Variants in ACSL5 observed in about 807,000 individuals in gnomAD.
The protein encoded by ACSL5 is acyl-CoA synthetase long chain family member 5.
In ACSL5, 50 loss-of-function variants were observed where a neutral mutation model predicts 84.9. The ratio of observed to expected loss-of-function variants is 0.59; its 90% CI spans 0.47 to 0.75. The LOEUF (loss-of-function observed/expected upper bound fraction) is 0.75, where lower values mean the gene tolerates loss of function less well. Ranked by LOEUF, ACSL5 falls within the 30% of genes least tolerant of loss-of-function variation. ACSL5 has a pLI of 0.00. For missense variants in ACSL5, 775 were observed against 830.4 expected, an observed-to-expected ratio of 0.93 and a Z score of 0.82; for synonymous variants, 280 against 300.7, an observed-to-expected ratio of 0.93 and a Z score of 0.71.
Position 112,427,237 on chromosome 10 carries a change from A to G in ACSL5, c.1931A>G (p.His644Arg). 1.2e-6 allele frequency: 2 copies of G among 1,612,694 alleles called. No individual in the cohort carries two copies. Among genetic ancestry groups the G allele is most frequent in the Non-Finnish European group, 1.7e-6 (2 of 1,179,540 alleles). Reference sequence around the variant, plus strand: ...TTCCAGGTCAAAGCCATTTTTCTTCATCCAGAGCCATTTTCCATTGAAAAT... The same window carrying G: ...TTCCAGGTCAAAGCCATTTTTCTTCGTCCAGAGCCATTTTCCATTGAAAAT... ...TFEQVKAIFL[H>R]PEPFSIENGL... is the part of the protein sequence containing the mutation. Residue 644 changes from histidine to arginine, a missense_variant, in exon 21 of 21, where the codon CAT becomes CGT. Physicochemically the swap from His to Arg is conservative, Grantham distance 29. Coordinates refer to ENST00000354655, the MANE Select transcript of ACSL5 (RefSeq NM_203379.2).
At chr10:112,415,730 A>T (rs1199135294) in intron 12 of ACSL5, among the ~76,000 whole-genome samples, 1 of 152,246 alleles carries the variant, frequency 6.6e-6, no homozygotes, top group Non-Finnish European at 1.5e-5. Flanking sequence ...AGGCCCAAAA[A>T]TGGGGTTATA....
chr10:112,426,896 C>T, intron 20 of ACSL5, 37 bp downstream of exon 20: 1 of 1,515,968 alleles, frequency 6.6e-7, no homozygotes, highest in Non-Finnish European at 9.1e-7. Flanking sequence ...GGCCTCTTGT[C>T]AGAAAGTTTT....
intron 17 of ACSL5, among the ~76,000 whole-genome samples, chr10:112,424,035 AT>A (rs368804885): frequency 5.4e-4 from 82 of 152,334 alleles, no homozygotes; most frequent in African/African-American, 1.9e-3. Flanking sequence ...TTTGCCTCTT[AT>A]GAGTTTCTTG....
chr10:112,382,660 C>A (rs1365147382), intron 1 of ACSL5, among the ~76,000 whole-genome samples: 1 of 152,152 alleles, frequency 6.6e-6, no homozygotes, highest in Non-Finnish European at 1.5e-5. Flanking sequence ...GGAGCTGCAT[C>A]GAACGCCCTA....
At chr10:112,394,425 G>A (rs568694246) in intron 1 of ACSL5, among the ~76,000 whole-genome samples, 3 of 152,290 alleles carry the variant, frequency 2.0e-5, no homozygotes, top group African/African-American at 7.2e-5. Flanking sequence ...ATACAAAATG[G>A]TTAATTTCTA....
At position 112,421,593 on chromosome 10, in the gene ACSL5, G is replaced by T; in HGVS notation, c.1315G>T (p.Val439Leu). The change falls in exon 15 of 21, where the codon GTG becomes TTG. Residue 439 changes from valine to leucine, a missense_variant and splice_region_variant. By Grantham distance (32) the Val-to-Leu change is conservative. Transcript: ENST00000354655. The stretch of plus-strand genomic sequence containing the variant: ...TAAAAGCTCTTCTTTGGTTTCCCAG[G>T]TGTATGAAGCTTATGGTCAAACAGA... ...TFFRAAMGCQ[V>L]YEAYGQTECT... The T allele has an allele frequency of 1.2e-6, 2 of 1,613,942 alleles. No individual in the cohort carries two copies. Among genetic ancestry groups the T allele is most frequent in the Non-Finnish European group, 1.7e-6 (2 of 1,179,814 alleles).
intron 11 of ACSL5, 75 bp downstream of exon 11, chr10:112,412,054 G>A: frequency 1.4e-6 from 2 of 1,411,652 alleles, no homozygotes; most frequent in Non-Finnish European, 2.0e-6. Context: ...TCCAAAGGCA[G>A]CTACACAGTA....
Position 112,421,579 on chromosome 10 carries a change from C to A in ACSL5, c.1315-14C>A. ...ATCTTGAGTAAGTCTAAAAGCTCTT[C>A]TTTGGTTTCCCAGGTGTATGAAGCT... On this transcript the variant is annotated splice_polypyrimidine_tract_variant and intron_variant, in intron 14 of 20. Transcript: ENST00000354655. The A allele has an allele frequency of 6.2e-7, 1 of 1,613,278 alleles. No individual in the cohort carries two copies. The highest frequency in any genetic ancestry group is 2.2e-5 in the East Asian group (1 of 44,882).
intron 3 of ACSL5, among the ~76,000 whole-genome samples, chr10:112,403,866 T>C (rs1843965701): frequency 6.6e-6 from 1 of 152,116 alleles, no homozygotes; most frequent in African/African-American, 2.4e-5. Flanking sequence ...TGAAATAAAG[T>C]CAACTATAAT....
At chr10:112,389,116 A>G (rs1003118221) in intron 1 of ACSL5, among the ~76,000 whole-genome samples, 1 of 152,220 alleles carries the variant, frequency 6.6e-6, no homozygotes, top group African/African-American at 2.4e-5. Flanking sequence ...TCCAAAGAAA[A>G]GGAGACTAAA....
intron 1 of ACSL5, among the ~76,000 whole-genome samples, chr10:112,380,903 C>T (rs1201324547): frequency 6.6e-6 from 1 of 152,104 alleles, no homozygotes; most frequent in African/African-American, 2.4e-5. Context: ...ACCTCATTCT[C>T]CTGAGTACCT....
chr10:112,408,298 CAAA>C (rs369014571), intron 5 of ACSL5, 121 bp from the exon 6 acceptor site: 4,180 of 456,220 alleles, frequency 9.2e-3, no homozygotes, highest in South Asian at 0.015. Context: ...GGCACTGTCT[CAAA>C]AAAAAAAAAA....
At chr10:112,421,858 C>G in intron 15 of ACSL5, 89 bp from the exon 16 acceptor site, 1 of 1,442,332 alleles carries the variant, frequency 6.9e-7, no homozygotes, top group South Asian at 1.2e-5. Context: ...TCTTCCTCTT[C>G]TAGAGTCAAT....
chr10:112,380,258 T>C (rs373828747), intron 1 of ACSL5, among the ~76,000 whole-genome samples: 3 of 152,202 alleles, frequency 2.0e-5, no homozygotes, highest in Non-Finnish European at 4.4e-5. Flanking sequence ...GCTATCTTAA[T>C]GGACTGACTT....
At chr10:112,414,833 C>T (rs1216229855) in intron 12 of ACSL5, among the ~76,000 whole-genome samples, 1 of 152,068 alleles carries the variant, frequency 6.6e-6, no homozygotes, top group Non-Finnish European at 1.5e-5. Context: ...CTATTTGAAC[C>T]CAGGCAATAT....
chr10:112,397,888 A>T (rs1225724113), intron 2 of ACSL5, among the ~76,000 whole-genome samples: 1 of 152,170 alleles, frequency 6.6e-6, no homozygotes, highest in Non-Finnish European at 1.5e-5. Flanking sequence ...AACACATAGT[A>T]TGCATTCAGT....
chr10:112,427,287 G>A lies in ACSL5; in HGVS notation c.1981G>A (p.Ala661Thr), dbSNP rs1391595898. 1 of 1,613,876 alleles carries A rather than the reference G, an allele frequency of 6.2e-7. No homozygotes were observed. Among genetic ancestry groups the A allele is most frequent in the Admixed American group, 1.7e-5 (1 of 59,984 alleles). Residue 661 changes from alanine (A) to threonine (T), a missense_variant, in exon 21 of 21, where the codon GCA (alanine) becomes ACA (threonine). Physicochemically the swap from Ala to Thr is moderately conservative, Grantham distance 58 (BLOSUM62 0). Coordinates refer to ENST00000354655, the MANE Select transcript of ACSL5 (RefSeq NM_203379.2). ...TGGGCTCTTGACACCAACATTGAAA[G>A]CAAAGCGAGGAGAGCTTTCCAAATA... Reference protein sequence around the residue: ...ENGLLTPTLKAKRGELSKYFR... With the variant: ...ENGLLTPTLKTKRGELSKYFR...
At chr10:112,386,684 A>G (rs1396558616) in intron 1 of ACSL5, among the ~76,000 whole-genome samples, 7 of 152,192 alleles carry the variant, frequency 4.6e-5, no homozygotes, top group Admixed American at 4.6e-4. Flanking sequence ...AAATGTATAG[A>G]TACCTTTAAG....
chr10:112,380,834 T>G (rs1303368048), intron 1 of ACSL5, among the ~76,000 whole-genome samples: 1 of 152,102 alleles, frequency 6.6e-6, no homozygotes, highest in Non-Finnish European at 1.5e-5. Flanking sequence ...CAGGCTGGAG[T>G]GCAGTGGCGG....
Sources: allele counts gnomAD v4.1 joint callset (sites outside exome capture counted in the v4.1 genomes callset), GRCh38; gene constraint gnomAD v4.1.1; transcripts MANE v1.5; gene names NCBI Gene and HGNC (gene_info 2026-07-23, HGNC 2026-07-21).